The following ELMO1 variants were observed in gnomAD, a reference collection of about 807,000 sequenced individuals.
ELMO1 encodes the protein engulfment and cell motility protein 1.
In ELMO1, 26 loss-of-function variants were observed where a neutral mutation model predicts 98.9. That is an observed-to-expected ratio of 0.26 (90% CI 0.19 to 0.36). ELMO1 has a LOEUF of 0.36. ELMO1 is among the 10% of genes least tolerant of loss of function. The probability of loss-of-function intolerance (pLI) is 1.00; values close to 1 mark genes in which losing one functional copy is unlikely to be tolerated. For synonymous variants in ELMO1, 346 were observed against 346.0 expected, an observed-to-expected ratio of 1.00 and a Z score of 0.00; for missense variants, 627 against 935.2, an observed-to-expected ratio of 0.67 and a Z score of 4.30.
At chr7:36,923,901 T>A (rs1189238749) in intron 16 of ELMO1, among the ~76,000 whole-genome samples, 4 of 152,156 alleles carry the variant, frequency 2.6e-5, no homozygotes, top group Admixed American at 6.5e-5. Context: ...CTGGCACATC[T>A]AGAAAACTGA....
chr7:37,432,425 G>C (rs1804970259), intron 1 of ELMO1, among the ~76,000 whole-genome samples: 1 of 152,196 alleles, frequency 6.6e-6, no homozygotes, highest in Non-Finnish European at 1.5e-5. Context: ...CATTTCCAGA[G>C]TGAACTGAGA....
chr7:37,387,688 T>C (rs1802866698), intron 1 of ELMO1, among the ~76,000 whole-genome samples: 1 of 152,198 alleles, frequency 6.6e-6, no homozygotes, highest in Non-Finnish European at 1.5e-5. Flanking sequence ...AACTTACTCC[T>C]GTGGGAAACC....
At position 36,897,307 on chromosome 7, in the gene ELMO1, T is replaced by C. The variant is rs73338242; in HGVS notation, c.1438-2290A>G. On this transcript the variant is annotated intron_variant, in intron 16 of 21. Transcript: ENST00000310758. ...AAGATAATGAGACCAATGTCAGTAG[T>C]AGGACAAAGAAAACAGACGTGTGTG... Among the ~76,000 whole-genome samples, 743 of 146,194 alleles carry C rather than the reference T, an allele frequency of 5.1e-3. 5 individuals are homozygous for C. The highest frequency in any genetic ancestry group is 0.018 in the African/African-American group (680 of 38,828).
At chr7:36,942,878 G>A (rs6957979) in intron 16 of ELMO1, among the ~76,000 whole-genome samples, 37,201 of 152,062 alleles carry the variant, frequency 0.24, 4,693 homozygotes, top group South Asian at 0.36. Context: ...TAAGATGCTC[G>A]CAGGAAAGAG....
chr7:36,884,733 G>A (rs1378354427), intron 18 of ELMO1, among the ~76,000 whole-genome samples: 10 of 152,240 alleles, frequency 6.6e-5, no homozygotes, highest in Non-Finnish European at 2.9e-5. Flanking sequence ...CTAGCCAAAC[G>A]TGGCACAGTC....
chr7:37,150,680 A>G (rs1788299436), intron 13 of ELMO1, among the ~76,000 whole-genome samples: 1 of 152,222 alleles, frequency 6.6e-6, no homozygotes, highest in South Asian at 2.1e-4. Flanking sequence ...CAGTATCAAG[A>G]CAAAGACTTA....
chr7:36,887,996 T>C (rs144906851), intron 17 of ELMO1, among the ~76,000 whole-genome samples: 4 of 152,356 alleles, frequency 2.6e-5, no homozygotes, highest in African/African-American at 7.2e-5. Flanking sequence ...AAAAATCCAT[T>C]CAGCACTGCT....
intron 2 of ELMO1, among the ~76,000 whole-genome samples, chr7:37,329,064 C>A (rs2131185364): frequency 6.6e-6 from 1 of 152,288 alleles, no homozygotes; most frequent in South Asian, 2.1e-4. Flanking sequence ...TACAGGGGAG[C>A]AAGCACAAGT....
chr7:37,263,996 A>G (rs1182143787), intron 5 of ELMO1, among the ~76,000 whole-genome samples: 1 of 152,232 alleles, frequency 6.6e-6, no homozygotes, highest in Non-Finnish European at 1.5e-5. Context: ...TACCAATAGG[A>G]CAATGGTGAA....
chr7:37,202,301 A>C (rs1792341526), intron 13 of ELMO1, among the ~76,000 whole-genome samples: 1 of 152,238 alleles, frequency 6.6e-6, no homozygotes, highest in African/African-American at 2.4e-5. Flanking sequence ...TGCTTTCCAG[A>C]GATGCTCTGT....
intron 13 of ELMO1, among the ~76,000 whole-genome samples, chr7:37,136,341 A>G (rs540993493): frequency 6.6e-6 from 1 of 152,338 alleles, no homozygotes; most frequent in Non-Finnish European, 1.5e-5. Flanking sequence ...ACCTTGCTAG[A>G]AATCTAGACA....
At chr7:37,267,036 T>TACAC (rs1324539354) in intron 5 of ELMO1, among the ~76,000 whole-genome samples, 5 of 26,934 alleles carry the variant, frequency 1.9e-4, no homozygotes, top group African/African-American at 6.3e-4. Flanking sequence ...AATATGTATA[T>TACAC]ATACACACAC....
At chr7:37,167,222 C>CTGTG (rs1789773841) in intron 13 of ELMO1, among the ~76,000 whole-genome samples, 1 of 150,950 alleles carries the variant, frequency 6.6e-6, no homozygotes, top group Non-Finnish European at 1.5e-5. Context: ...TATTTTGAGC[C>CTGTG]TATGTGTGTC....
At chr7:36,913,949 A>C (rs1784511003) in intron 16 of ELMO1, among the ~76,000 whole-genome samples, 1 of 152,232 alleles carries the variant, frequency 6.6e-6, no homozygotes, top group African/African-American at 2.4e-5. Context: ...AAGGATTATT[A>C]CCTGAAAGTT....
chr7:37,276,954 A>G (rs1043125299), intron 4 of ELMO1, among the ~76,000 whole-genome samples: 6 of 152,152 alleles, frequency 3.9e-5, no homozygotes, highest in Non-Finnish European at 5.9e-5. Context: ...TTACTTATGC[A>G]TCTTTTTTGT....
intron 1 of ELMO1, among the ~76,000 whole-genome samples, chr7:37,345,987 T>TG (rs577056447): frequency 0.057 from 6,514 of 114,382 alleles, 225 homozygotes; most frequent in East Asian, 0.11. Context: ...AGACTCCATC[T>TG]AAAAAAAAAA....
chr7:37,124,788 TA>T (rs1786374161), intron 14 of ELMO1, among the ~76,000 whole-genome samples: 1 of 150,112 alleles, frequency 6.7e-6, no homozygotes, highest in African/African-American at 2.5e-5. Context: ...AAAACTACTT[TA>T]AAGTTCATAT....
At chr7:37,447,645 C>A (rs376334128) in intron 1 of ELMO1, among the ~76,000 whole-genome samples, 3,309 of 149,466 alleles carry the variant, frequency 0.022, 85 homozygotes, top group African/African-American at 0.06. Context: ...AACACCCCCC[C>A]CACACACACA....
intron 16 of ELMO1, among the ~76,000 whole-genome samples, chr7:36,943,889 T>C (rs945488914): frequency 6.6e-6 from 1 of 152,154 alleles, no homozygotes; most frequent in African/African-American, 2.4e-5. Context: ...AGGGTGGATA[T>C]ACACTAGACA....
Sources: allele counts gnomAD v4.1 joint callset (sites outside exome capture counted in the v4.1 genomes callset), GRCh38; gene constraint gnomAD v4.1.1; transcripts MANE v1.5; gene names NCBI Gene and HGNC (gene_info 2026-07-23, HGNC 2026-07-21).